IMMP2L: variants seen among roughly 807,000 people sequenced by gnomAD.
IMMP2L encodes mitochondrial inner membrane protease subunit 2.
A neutral mutation model predicts 19.3 loss-of-function variants in IMMP2L; 18 were observed. The ratio of observed to expected loss-of-function variants is 0.93; its 90% confidence interval spans 0.64 to 1.38. IMMP2L has a LOEUF of 1.38. IMMP2L is among the 40% of genes most tolerant of loss of function. The pLI is 0.00. For missense variants in IMMP2L, 233 were observed against 218.2 expected, an observed-to-expected ratio of 1.07 and a Z score of -0.43; for synonymous variants, 76 against 73.0, an observed-to-expected ratio of 1.04 and a Z score of -0.21.
chr7:110,993,833 G>T (rs190257627), intron 3 of IMMP2L, among the ~76,000 whole-genome samples: 4 of 151,822 alleles, frequency 2.6e-5, no homozygotes, highest in Non-Finnish European at 4.4e-5. Context: ...CTTCCCCATC[G>T]CTCTTGATGA....
chr7:110,905,597 A>G (rs1646934320), intron 4 of IMMP2L, among the ~76,000 whole-genome samples: 1 of 152,200 alleles, frequency 6.6e-6, no homozygotes, highest in South Asian at 2.1e-4. Flanking sequence ...AGGAAAAGGC[A>G]TTTTGGGCAG....
intron 4 of IMMP2L, among the ~76,000 whole-genome samples, chr7:110,949,991 T>G (rs533842766): frequency 1.1e-4 from 17 of 152,232 alleles, no homozygotes; most frequent in African/African-American, 3.6e-4. Context: ...GAAAAAAGTG[T>G]TTTTGTATAC....
rs553725936 is a variant in IMMP2L, at chr7:111,335,566, C to T, written c.239+151672G>A. Among the ~76,000 whole-genome samples, 33 of 152,080 alleles carry T rather than the reference C, an allele frequency of 2.2e-4. No homozygotes were observed. In the South Asian group the frequency reaches 5.0e-3, roughly 23 times the overall value. ...AAGATCACTAATAACTTAAGAAATA[C>T]GAGAAAGTTTATTGAAATGCTGTTT... On this transcript the variant is annotated intron_variant, in intron 3 of 5. Transcript: ENST00000405709.
intron 5 of IMMP2L, among the ~76,000 whole-genome samples, chr7:110,832,045 C>G (rs183308067): frequency 9.2e-5 from 14 of 152,132 alleles, no homozygotes; most frequent in Non-Finnish European, 1.5e-4. Flanking sequence ...GTGCGGATCA[C>G]GAGGTCAGGA....
chr7:111,504,193 C>G (rs1185190302), intron 2 of IMMP2L, among the ~76,000 whole-genome samples: 1 of 151,952 alleles, frequency 6.6e-6, no homozygotes, highest in East Asian at 1.9e-4. Flanking sequence ...AAACAGAGAG[C>G]CAAATCATGA....
intron 3 of IMMP2L, among the ~76,000 whole-genome samples, chr7:111,114,161 CAT>C (rs1799566139): frequency 1.3e-5 from 2 of 151,760 alleles, no homozygotes; most frequent in South Asian, 4.2e-4. Context: ...CACACACACA[CAT>C]TTTTGCCAGG....
chr7:110,801,451 GAACT>G (rs1446528952), intron 5 of IMMP2L, among the ~76,000 whole-genome samples: 2 of 152,016 alleles, frequency 1.3e-5, no homozygotes, highest in African/African-American at 2.4e-5. Context: ...GTTCTTATGA[GAACT>G]AACTCAGTTG....
intron 3 of IMMP2L, among the ~76,000 whole-genome samples, chr7:111,215,098 C>T (rs1477684436): frequency 6.6e-6 from 1 of 152,118 alleles, no homozygotes; most frequent in Non-Finnish European, 1.5e-5. Flanking sequence ...CCCATCACTC[C>T]TTATATTTAC....
chr7:110,944,450 AGTGT>A (rs925687102), intron 4 of IMMP2L, among the ~76,000 whole-genome samples: 27 of 147,562 alleles, frequency 1.8e-4, no homozygotes, highest in Non-Finnish European at 2.8e-4. Flanking sequence ...AAGCACATAG[AGTGT>A]GTGTGTGTGC....
At chr7:110,933,545 C>CT (rs1333688999) in intron 4 of IMMP2L, among the ~76,000 whole-genome samples, 5 of 152,048 alleles carry the variant, frequency 3.3e-5, no homozygotes, top group Non-Finnish European at 5.9e-5. Context: ...AAGGTATGTG[C>CT]TTTTTTAACA....
chr7:111,483,873 C>G (rs902627317), intron 3 of IMMP2L: 1 of 152,156 alleles, frequency 6.6e-6, no homozygotes, highest in Non-Finnish European at 1.5e-5. Context: ...GCTACGTATA[C>G]TAATGGCAGC....
At chr7:110,914,019 G>C (rs900465965) in intron 4 of IMMP2L, among the ~76,000 whole-genome samples, 1 of 151,956 alleles carries the variant, frequency 6.6e-6, no homozygotes, top group Non-Finnish European at 1.5e-5. Flanking sequence ...CATTGTTTTG[G>C]CCCTCCAGAA....
chr7:111,515,367 A>G (rs945390432), intron 2 of IMMP2L, among the ~76,000 whole-genome samples: 1 of 152,100 alleles, frequency 6.6e-6, no homozygotes, highest in Admixed American at 6.6e-5. Flanking sequence ...CATTTCCTAA[A>G]GATGTGTCTC....
At chr7:110,741,655 A>C (rs1796996756) in intron 5 of IMMP2L, among the ~76,000 whole-genome samples, 1 of 152,192 alleles carries the variant, frequency 6.6e-6, no homozygotes, top group Non-Finnish European at 1.5e-5. Context: ...ACCTAGTATA[A>C]GGTATTTTGT....
intron 3 of IMMP2L, among the ~76,000 whole-genome samples, chr7:111,403,447 G>GTATATATATA (rs111864985): frequency 1.4e-5 from 2 of 146,644 alleles, no homozygotes; most frequent in African/African-American, 5.0e-5. Context: ...TACAGCCCAG[G>GTATATATATA]TATATATATA....
chr7:111,078,293 G>T (rs755702218), intron 3 of IMMP2L, among the ~76,000 whole-genome samples: 1 of 152,168 alleles, frequency 6.6e-6, no homozygotes, highest in Non-Finnish European at 1.5e-5. Flanking sequence ...ACTCATACTT[G>T]CTGTGTGAAC....
intron 5 of IMMP2L, among the ~76,000 whole-genome samples, chr7:110,844,522 A>T (rs1805450124): frequency 6.6e-6 from 1 of 151,964 alleles, no homozygotes; most frequent in South Asian, 2.1e-4. Context: ...CTTGTAACAA[A>T]CGGATGGGGG....
intron 5 of IMMP2L, among the ~76,000 whole-genome samples, chr7:110,749,595 AG>A (rs1654946496): frequency 6.6e-6 from 1 of 152,176 alleles, no homozygotes. Context: ...TGTCCTTTGC[AG>A]GGACATGGAT....
intron 5 of IMMP2L, among the ~76,000 whole-genome samples, chr7:110,684,302 G>T (rs900262181): frequency 2.6e-5 from 4 of 151,856 alleles, no homozygotes; most frequent in Non-Finnish European, 5.9e-5. Context: ...ATTCTTTTTC[G>T]TATGTTGATT....
Sources: allele counts gnomAD v4.1 joint callset (sites outside exome capture counted in the v4.1 genomes callset), GRCh38; gene constraint gnomAD v4.1.1; transcripts MANE v1.5; gene names NCBI Gene and HGNC (gene_info 2026-07-23, HGNC 2026-07-21).